Variants in ADORA2A observed in about 807,000 individuals in gnomAD.
ADORA2A encodes adenosine receptor A2a.
A neutral mutation model predicts 18.4 loss-of-function variants in ADORA2A; 11 were observed. The ratio of observed to expected loss-of-function variants is 0.60; its 90% confidence interval spans 0.38 to 0.99. ADORA2A has a LOEUF of 0.99. Ranked by LOEUF, ADORA2A falls within the 50% of genes least tolerant of loss-of-function variation. The probability of loss-of-function intolerance (pLI) is 0.01; values close to 1 mark genes in which losing one functional copy is unlikely to be tolerated. For missense variants in ADORA2A, 449 were observed against 556.1 expected, an observed-to-expected ratio of 0.81 and a Z score of 1.94; for synonymous variants, 218 against 237.3, an observed-to-expected ratio of 0.92 and a Z score of 0.75.
intron 2 of ADORA2A, among the ~76,000 whole-genome samples, chr22:24,434,227 C>T (rs1322540511): frequency 6.6e-6 from 1 of 152,202 alleles, no homozygotes; most frequent in African/African-American, 2.4e-5. Context: ...TCCTCTGGGC[C>T]AGCCTTGCAG....
chr22:24,425,768 A>G (rs749374251), upstream of ADORA2A, among the ~76,000 whole-genome samples: 3 of 152,226 alleles, frequency 2.0e-5, no homozygotes, highest in African/African-American at 7.2e-5. Flanking sequence ...GATGTGCTGG[A>G]GATTTCAGTG....
rs200755653 is a variant in ADORA2A at position 24,440,847 on chromosome 22, G to T, written c.597G>T (p.Arg199=). The change falls in exon 3 of 3, where the codon CGG becomes CGT. Residue 199 remains arginine (R), a synonymous_variant. Coordinates refer to ENST00000337539, the MANE Select transcript of ADORA2A (RefSeq NM_000675.6). ...PLLLMLGVYL[R]IFLAARRQLK... ...TGCTCATGCTGGGTGTCTATTTGCG[G>T]ATCTTCCTGGCGGCGCGACGACAGC... 1.2e-6 allele frequency: 2 copies of T among 1,614,052 alleles called. No individual in the cohort carries two copies. The highest frequency in any genetic ancestry group is 3.3e-5 in the Admixed American group (2 of 60,006).
At chr22:24,431,736 T>C in intron 1 of ADORA2A, 1 of 349,192 alleles carries the variant, frequency 2.9e-6, no homozygotes, top group South Asian at 2.2e-5. Flanking sequence ...AGGGGCAATT[T>C]AACGGGCAGA....
chr22:24,425,001 G>A (rs543337902), upstream of ADORA2A, among the ~76,000 whole-genome samples: 1 of 152,226 alleles, frequency 6.6e-6, no homozygotes, highest in Non-Finnish European at 1.5e-5. Context: ...GTGAGCCGCA[G>A]GTCAAGCCAG....
chr22:24,425,337 A>ACCCCC (rs398036656), upstream of ADORA2A, among the ~76,000 whole-genome samples: 985 of 82,362 alleles, frequency 0.012, 13 homozygotes, highest in African/African-American at 0.014. Flanking sequence ...TGTGGGCAGC[A>ACCCCC]CCCCCCCCCC....
upstream of ADORA2A, chr22:24,424,378 C>G (rs1231015265): frequency 6.9e-6 from 1 of 144,936 alleles, no homozygotes; most frequent in Non-Finnish European, 1.5e-5. The surrounding 1 kb of genome is among the most constrained non-coding windows in gnomAD (Gnocchi z 4.9). Flanking sequence ...TCCGTCAGTC[C>G]GTCCGTCCGT....
intron 2 of ADORA2A, 118 bp downstream of exon 2, chr22:24,433,854 C>T: frequency 7.9e-7 from 1 of 1,270,906 alleles, no homozygotes. Flanking sequence ...GCATGGTGAG[C>T]TGGCGACGGG....
chr22:24,439,229 C>T (rs1321073966), intron 2 of ADORA2A: 1 of 151,702 alleles, frequency 6.6e-6, no homozygotes, highest in Non-Finnish European at 1.5e-5. Context: ...ATTACAGGCC[C>T]CCGCCACCAC....
chr22:24,426,940 A>T (rs181216555), upstream of ADORA2A, among the ~76,000 whole-genome samples: 50 of 152,282 alleles, frequency 3.3e-4, no homozygotes, highest in African/African-American at 1.2e-3. Flanking sequence ...CCCGCAGGGG[A>T]AGCTTGTTCC....
chr22:24,430,807 CAGATGCCCTAG>C (rs1332523348), intron 1 of ADORA2A: 1 of 321,364 alleles, frequency 3.1e-6, no homozygotes, highest in Non-Finnish European at 6.2e-6. Context: ...TCCTTCAATG[CAGATGCCCTAG>C]AGAGGGCCGT....
intron 1 of ADORA2A, among the ~76,000 whole-genome samples, chr22:24,428,862 G>C (rs968431959): frequency 1.4e-4 from 21 of 152,254 alleles, no homozygotes; most frequent in Non-Finnish European, 1.5e-5. Context: ...GATGGGGCCA[G>C]GCACAGCAAC....
At chr22:24,430,843 T>A (rs1321257603) in intron 1 of ADORA2A, 2 of 340,656 alleles carry the variant, frequency 5.9e-6, no homozygotes, top group Admixed American at 8.1e-5. Context: ...GGAGGCAGGA[T>A]CCCTGGGTAG....
At chr22:24,428,022 C>T (rs1296199178) in intron 1 of ADORA2A, among the ~76,000 whole-genome samples, 2 of 152,176 alleles carry the variant, frequency 1.3e-5, no homozygotes, top group African/African-American at 2.4e-5. Context: ...CTCTGGGTCC[C>T]GGGCCCAGCC....
At chr22:24,428,096 C>T (rs1293190595) in intron 1 of ADORA2A, among the ~76,000 whole-genome samples, 1 of 152,226 alleles carries the variant, frequency 6.6e-6, no homozygotes, top group Non-Finnish European at 1.5e-5. Flanking sequence ...AAGTGGAGCC[C>T]GTGCTGGGTG....
intron 1 of ADORA2A, among the ~76,000 whole-genome samples, chr22:24,428,126 T>C (rs1439051667): frequency 7.9e-5 from 12 of 152,112 alleles, no homozygotes; most frequent in Non-Finnish European, 2.9e-5. Flanking sequence ...CACTGGGCAG[T>C]GAGGAAGGCA....
chr22:24,437,637 C>T (rs1249350716), intron 2 of ADORA2A, among the ~76,000 whole-genome samples: 1 of 152,252 alleles, frequency 6.6e-6, no homozygotes, highest in Admixed American at 6.5e-5. Context: ...CCCTGTCCCC[C>T]ACCCTCAGTT....
intron 2 of ADORA2A, among the ~76,000 whole-genome samples, chr22:24,436,735 G>C (rs966333042): frequency 6.6e-6 from 1 of 152,230 alleles, no homozygotes; most frequent in Admixed American, 6.5e-5. Flanking sequence ...CTTCTAAGAG[G>C]GCAGGATTGG....
intron 2 of ADORA2A, among the ~76,000 whole-genome samples, chr22:24,439,116 G>GCTCTGTCTCCCAGGC (rs2043262130): frequency 9.8e-6 from 1 of 101,632 alleles, no homozygotes; most frequent in Non-Finnish European, 1.8e-5. Context: ...ACTGAGTCTT[G>GCTCTGTCTCCCAGGC]CTCTGTCTCC....
In ADORA2A at chr22:24,432,950, G is replaced by T. The variant is rs373094934; in HGVS notation, c.-274-181G>T. 2.1e-5 allele frequency: 4 copies of T among 194,252 alleles called. No homozygotes were observed. The East Asian group carries it at 5.6e-4, about 27-fold the overall frequency. 12.0% of individuals were successfully genotyped at this position (194,252 alleles called of 1,614,324 possible). A position where few individuals can be genotyped will look rare whatever the true frequency, so the allele number is the denominator to read the frequency against. ...TCCTGGCTATGACCACAGCAGACCA[G>T]GCAGGGCATGGGGCTAGGCGGGGTC... On this transcript the variant is annotated intron_variant, in intron 1 of 2. Transcript: ENST00000337539.
Sources: gnomAD v4.1 joint callset for allele counts (sites outside exome capture counted in the v4.1 genomes callset) on GRCh38, gnomAD v4.1.1 for gene constraint, Gnocchi (gnomAD v3.1) non-coding constraint, MANE v1.5 for transcripts, NCBI Gene and HGNC (gene_info 2026-07-23, HGNC 2026-07-21) for gene names.